PBLD: variants seen among roughly 807,000 people sequenced by gnomAD.
The protein encoded by PBLD is phenazine biosynthesis-like domain-containing protein.
PBLD carries 26 observed loss-of-function variants against 31.3 expected under a neutral mutation model. That is an observed-to-expected ratio of 0.83 (90% CI 0.61 to 1.15). The LOEUF is 1.15. Among genes scored for constraint, PBLD ranks in the 50% most tolerant of loss-of-function variants. The pLI is 0.00. For missense variants in PBLD, 307 were observed against 351.7 expected, an observed-to-expected ratio of 0.87 and a Z score of 1.02; for synonymous variants, 114 against 129.0, an observed-to-expected ratio of 0.88 and a Z score of 0.79.
intron 6 of PBLD, among the ~76,000 whole-genome samples, chr10:68,289,566 A>C (rs1462330101): frequency 6.6e-6 from 1 of 151,880 alleles, no homozygotes; most frequent in Admixed American, 6.6e-5. Context: ...AAACATAGGC[A>C]TTCTCACAAG....
At chr10:68,327,841 T>C (rs1046328414) in intron 1 of PBLD, among the ~76,000 whole-genome samples, 1 of 152,322 alleles carries the variant, frequency 6.6e-6, no homozygotes, top group Non-Finnish European at 1.5e-5. Context: ...TTCCCTAGCC[T>C]TCACAGCAAT....
intron 4 of PBLD, among the ~76,000 whole-genome samples, chr10:68,292,698 C>T (rs901646781): frequency 5.3e-5 from 8 of 151,836 alleles, no homozygotes; most frequent in African/African-American, 1.5e-4. Flanking sequence ...TTAGTAGAGA[C>T]GAGGTTTTAT....
chr10:68,285,274 G>A (rs749189586), intron 9 of PBLD, 74 bp downstream of exon 9: 1 of 1,612,222 alleles, frequency 6.2e-7, no homozygotes, highest in Non-Finnish European at 8.5e-7. Flanking sequence ...TTTTCAAGGG[G>A]ATAGTACATA....
At chr10:68,285,803 C>T (rs570891467) in intron 8 of PBLD, among the ~76,000 whole-genome samples, 6 of 152,042 alleles carry the variant, frequency 3.9e-5, no homozygotes, top group South Asian at 2.1e-4. Flanking sequence ...CTCAGCCCCC[C>T]GCAAGTAGCT....
At chr10:68,332,117 G>A (rs1382777578) in intron 1 of PBLD, 1 of 152,338 alleles carries the variant, frequency 6.6e-6, no homozygotes, top group Non-Finnish European at 1.5e-5. Context: ...AGACGGTTGG[G>A]AGAACCGTTG....
chr10:68,295,779 C>G (rs2044418327), intron 4 of PBLD, among the ~76,000 whole-genome samples: 2 of 152,024 alleles, frequency 1.3e-5, no homozygotes, highest in Non-Finnish European at 2.9e-5. Flanking sequence ...TGGTAAAACC[C>G]CATCTCTACT....
chr10:68,296,883 T>C lies in PBLD; in HGVS notation c.184+3A>G. 3 of 1,608,620 alleles carry C rather than the reference T, an allele frequency of 1.9e-6. No homozygotes were observed. The highest frequency in any genetic ancestry group is 2.6e-6 in the Non-Finnish European group (3 of 1,175,074). On this transcript the variant is annotated splice_donor_region_variant and intron_variant, in intron 3 of 9. Transcript: ENST00000358769. ...TTCTTAAAAAAAAAAAATGCATATT[T>C]ACTTTGTGCAAAGTTGTCTGTCGGG...
At position 68,291,940 on chromosome 10, in the gene PBLD, A is replaced by G. The variant is rs566041346; in HGVS notation, c.423+70T>C. The stretch of plus-strand genomic sequence containing the variant: ...GGTAAAATGCCTATCTTTGTGGATC[A>G]AATGATACCAAATCTTTGTGTGCAA... On this transcript the variant is annotated intron_variant, in intron 6 of 9. Transcript: ENST00000358769. 8 of 1,444,112 alleles carry G rather than the reference A, an allele frequency of 5.5e-6. No homozygotes were observed. The South Asian group carries it at 9.4e-5, about 17-fold the overall frequency. The allele number at this position is 1,444,112 out of a possible 1,614,324, so 89.5% of individuals were successfully genotyped here.
At chr10:68,321,760 C>T (rs1412489757) in intron 1 of PBLD, among the ~76,000 whole-genome samples, 2 of 152,036 alleles carry the variant, frequency 1.3e-5, no homozygotes, top group Non-Finnish European at 1.5e-5. Context: ...GGAAGAGCTC[C>T]CAATGGCTGA....
At chr10:68,290,446 G>A (rs367679356) in intron 6 of PBLD, among the ~76,000 whole-genome samples, 17 of 152,236 alleles carry the variant, frequency 1.1e-4, no homozygotes, top group South Asian at 4.1e-4. Context: ...GGGTGGGCGC[G>A]GTGGCTCACA....
intron 1 of PBLD, among the ~76,000 whole-genome samples, chr10:68,307,701 A>G (rs1036669866): frequency 1.3e-5 from 2 of 151,910 alleles, no homozygotes; most frequent in East Asian, 2.0e-4. Flanking sequence ...GAGTTTCACC[A>G]TGTTAGCCAG....
chr10:68,299,896 C>CT (rs1375109623), intron 2 of PBLD, among the ~76,000 whole-genome samples: 8 of 150,316 alleles, frequency 5.3e-5, no homozygotes, highest in East Asian at 2.0e-4. Flanking sequence ...ACATAATAAG[C>CT]TTTTTTTTTT....
intron 1 of PBLD, among the ~76,000 whole-genome samples, chr10:68,316,472 A>T (rs1199325744): frequency 6.6e-6 from 1 of 152,166 alleles, no homozygotes; most frequent in Non-Finnish European, 1.5e-5. Flanking sequence ...ATGAAGAAAA[A>T]TTATAAGAGC....
rs548561826 is a variant in PBLD, at chr10:68,301,659, G to A, written c.85-4674C>T. Among the ~76,000 whole-genome samples, 8 of 152,112 alleles carry A rather than the reference G, an allele frequency of 5.3e-5. No individual in the cohort carries two copies. The South Asian group carries it at 1.2e-3, about 24-fold the overall frequency. ...TGATCTGGCGAAACTTCCTATCTTC[G>A]TCCTTCCTTTCTTTCTCTATAGCTC... On this transcript the variant is annotated intron_variant, in intron 2 of 9. Transcript: ENST00000358769.
At chr10:68,328,444 T>C (rs1373449529) in intron 1 of PBLD, among the ~76,000 whole-genome samples, 1 of 152,218 alleles carries the variant, frequency 6.6e-6, no homozygotes, top group Non-Finnish European at 1.5e-5. Flanking sequence ...TTCATCCTGA[T>C]GGTGTAATAC....
Position 68,284,244 on chromosome 10 carries a change from C to A in PBLD, c.800G>T (p.Arg267Leu). Residue 267 changes from arginine to leucine, a missense_variant, in exon 10 of 10, where the codon CGT (arginine) becomes CTT (leucine). Arg to Leu is a moderately radical substitution (Grantham distance 102). Coordinates refer to ENST00000358769, the MANE Select transcript of PBLD (RefSeq NM_022129.4). ...TCTAATGTCAACCCTTCCGTCTGGA[C>A]GAAGGGAAATTCCCAGCTCTCCTCC... The part of the protein sequence containing the change: ...HRGGELGISL[R>L]PDGRVDIRGG... 1 of 1,613,988 alleles carries A rather than the reference C, an allele frequency of 6.2e-7. No homozygotes were observed. Among genetic ancestry groups the A allele is most frequent in the Non-Finnish European group, 8.5e-7 (1 of 1,179,966 alleles).
At chr10:68,305,791 C>G (rs188393238) in intron 2 of PBLD, among the ~76,000 whole-genome samples, 4 of 152,002 alleles carry the variant, frequency 2.6e-5, no homozygotes, top group Non-Finnish European at 5.9e-5. Context: ...CTGCTTCCCC[C>G]CAACTCCCAG....
chr10:68,296,740 A>T (rs549855431), intron 3 of PBLD, 146 bp downstream of exon 3: 1 of 683,386 alleles, frequency 1.5e-6, no homozygotes, highest in Non-Finnish European at 2.5e-6. Flanking sequence ...GTGGTGGCTC[A>T]CACCTATAAT....
chr10:68,292,303 A>G, intron 4 of PBLD, 65 bp from the exon 5 acceptor site: 2 of 1,351,744 alleles, frequency 1.5e-6, no homozygotes, highest in Admixed American at 1.8e-5. Flanking sequence ...GTCCATTTCA[A>G]ACACCTTTGC....
Sources: gnomAD v4.1 joint callset for allele counts (sites outside exome capture counted in the v4.1 genomes callset) on GRCh38, gnomAD v4.1.1 for gene constraint, MANE v1.5 for transcripts, NCBI Gene and HGNC (gene_info 2026-07-23, HGNC 2026-07-21) for gene names.